TMEM132E: variants seen among roughly 807,000 people sequenced by gnomAD.
TMEM132E encodes the protein transmembrane protein 132E.
A neutral mutation model predicts 78.5 loss-of-function variants in TMEM132E; 49 were observed. The observed-to-expected ratio is 0.62, with a 90% CI of 0.50 to 0.79. The LOEUF (loss-of-function observed/expected upper bound fraction) is 0.79, where lower values mean the gene tolerates loss of function less well. Ranked by LOEUF, TMEM132E falls within the 30% of genes least tolerant of loss-of-function variation. The pLI is 0.00. For synonymous variants in TMEM132E, 715 were observed against 670.6 expected (o/e 1.07, Z -1.02); for missense variants, 1,403 against 1,470.9 (o/e 0.95, Z 0.75).
Position 34,581,105 on chromosome 17 carries a change from G to GCGC in TMEM132E, c.34_36dup (p.Ala12dup), listed in dbSNP as rs1234362564. 6.5e-7 allele frequency: 1 copy of GCGC among 1,537,432 alleles called. No homozygotes were observed. Among genetic ancestry groups the GCGC allele is most frequent in the Non-Finnish European group, 8.7e-7 (1 of 1,147,992 alleles). ...GCCCCGGGGATGTCGGGCCGCGGCG[G>GCGC]CGCCGCCCTGCTCTGCCTCTCAGCG... On this transcript the variant is annotated inframe_insertion, in exon 1 of 9. Coordinates refer to ENST00000631683, the MANE Select transcript of TMEM132E (RefSeq NM_001304438.2).
intron 3 of TMEM132E, 91 bp from the exon 4 acceptor site, chr17:34,628,921 G>A: frequency 6.9e-7 from 1 of 1,456,610 alleles, no homozygotes; most frequent in African/African-American, 1.4e-5. Flanking sequence ...AGCTGCCGGG[G>A]AGGGGTGGGG....
chr17:34,610,336 C>T (rs1428737861), intron 1 of TMEM132E, among the ~76,000 whole-genome samples: 1 of 152,192 alleles, frequency 6.6e-6, no homozygotes, highest in Non-Finnish European at 1.5e-5. Flanking sequence ...AATATCTTTA[C>T]TGGGTGTCAG....
chr17:34,632,586 T>C (rs903389393), intron 5 of TMEM132E, 118 bp from the exon 6 acceptor site: 5 of 1,003,426 alleles, frequency 5.0e-6, no homozygotes, highest in Middle Eastern at 2.1e-4. Context: ...ACTGGCCTCC[T>C]CCCCTTCAGC....
At position 34,626,548 on chromosome 17, in the gene TMEM132E, C is replaced by T. The variant is rs1380370004; in HGVS notation, c.489C>T (p.Pro163=). The change falls in exon 2 of 9, where the codon CCC becomes CCT. Residue 163 remains proline, a synonymous_variant. Coordinates refer to ENST00000631683, the MANE Select transcript of TMEM132E (RefSeq NM_001304438.2). The part of the protein sequence containing the change: ...WDDFGVTERL[P]CVRLHAFRDA... The stretch of plus-strand genomic sequence containing the variant: ...ACTTCGGCGTCACCGAGCGGCTGCC[C>T]TGTGTCCGCCTGCATGCCTTCCGGG... 1.3e-6 allele frequency: 2 copies of T among 1,590,986 alleles called. No individual in the cohort carries two copies. Among genetic ancestry groups the T allele is most frequent in the Non-Finnish European group, 8.5e-7 (1 of 1,172,508 alleles).
chr17:34,615,608 C>T (rs1278957401), intron 1 of TMEM132E, among the ~76,000 whole-genome samples: 1 of 151,546 alleles, frequency 6.6e-6, no homozygotes, highest in South Asian at 2.1e-4. Flanking sequence ...CTCATTCACT[C>T]GACAATCCTC....
chr17:34,590,396 A>C (rs973713732), intron 1 of TMEM132E, among the ~76,000 whole-genome samples: 4 of 152,236 alleles, frequency 2.6e-5, no homozygotes, highest in Non-Finnish European at 5.9e-5. Flanking sequence ...ATCTGCACAG[A>C]TTGTAATAAA....
rs982715656 is a variant in TMEM132E at position 34,601,280 on chromosome 17, G to T, written c.67+20137G>T. ...CTCTGGAAAGCCCAGGAGGCAGACC[G>T]CATCTTGTGGGGGTACTACAGTCAG... On this transcript the variant is annotated intron_variant, in intron 1 of 8. Coordinates refer to ENST00000631683, the MANE Select transcript of TMEM132E (RefSeq NM_001304438.2). 2.0e-5 allele frequency among the ~76,000 whole-genome samples: 3 copies of T among 152,192 alleles called. No homozygotes were observed. In the South Asian group the frequency reaches 6.2e-4, roughly 31 times the overall value.
chr17:34,590,118 A>C (rs970234778), intron 1 of TMEM132E, among the ~76,000 whole-genome samples: 1 of 152,158 alleles, frequency 6.6e-6, no homozygotes, highest in Non-Finnish European at 1.5e-5. Context: ...CCTGCCTGGG[A>C]AGTTCGCCCC....
In TMEM132E at chr17:34,626,541, G is replaced by A. The variant is rs759425337; in HGVS notation, c.482G>A (p.Arg161Gln). The A allele has an allele frequency of 6.0e-5, 96 of 1,597,588 alleles. No individual in the cohort carries two copies. Among genetic ancestry groups the A allele is most frequent in the Non-Finnish European group, 7.7e-5 (91 of 1,175,812 alleles). Residue 161 changes from arginine to glutamine, a missense_variant, in exon 2 of 9, where the codon CGG becomes CAG. Arg to Gln is a conservative substitution (Grantham distance 43, BLOSUM62 1). Transcript: ENST00000631683. ...RDWDDFGVTE[R>Q]LPCVRLHAFR... ...TGGGACGACTTCGGCGTCACCGAGC[G>A]GCTGCCCTGTGTCCGCCTGCATGCC... is the stretch of plus-strand genomic sequence containing the variant.
intron 1 of TMEM132E, among the ~76,000 whole-genome samples, chr17:34,605,659 G>T (rs58920933): frequency 0.086 from 13,073 of 152,160 alleles, 1,683 homozygotes; most frequent in African/African-American, 0.27. Context: ...CTATTGCCAC[G>T]ATAAAGCCAC....
chr17:34,615,243 T>G (rs1160266843), intron 1 of TMEM132E, among the ~76,000 whole-genome samples: 1 of 150,850 alleles, frequency 6.6e-6, no homozygotes, highest in African/African-American at 2.4e-5. Flanking sequence ...CTCGTCCTCC[T>G]TCAGGCTTTC....
At chr17:34,583,724 C>T (rs955482366) in intron 1 of TMEM132E, among the ~76,000 whole-genome samples, 1 of 152,200 alleles carries the variant, frequency 6.6e-6, no homozygotes, top group African/African-American at 2.4e-5. Context: ...CTGGCGCCAC[C>T]GGGCAGGGTG....
At chr17:34,607,641 A>G (rs1247086323) in intron 1 of TMEM132E, among the ~76,000 whole-genome samples, 1 of 152,204 alleles carries the variant, frequency 6.6e-6, no homozygotes, top group Admixed American at 6.5e-5. Context: ...AGTTGCAAGT[A>G]TTGAGTGCCC....
chr17:34,587,485 C>T (rs558601925), intron 1 of TMEM132E, among the ~76,000 whole-genome samples: 1 of 152,238 alleles, frequency 6.6e-6, no homozygotes, highest in Admixed American at 6.5e-5. Flanking sequence ...TCAGGGGTAG[C>T]CTTTATTCCT....
intron 1 of TMEM132E, among the ~76,000 whole-genome samples, chr17:34,623,811 T>C (rs532778963): frequency 6.6e-6 from 1 of 152,266 alleles, no homozygotes; most frequent in South Asian, 2.1e-4. Context: ...GGACCCTGCA[T>C]TTCCACAGTT....
intron 2 of TMEM132E, among the ~76,000 whole-genome samples, chr17:34,627,467 C>CGTGTGTGCGTGCGCGCACGCGTGT (rs1555564416): frequency 7.9e-6 from 1 of 126,470 alleles, no homozygotes; most frequent in African/African-American, 3.0e-5. Context: ...CCAAAAGAAT[C>CGTGTGTGCGTGCGCGCACGCGTGT]GTGTGTGTGT....
chr17:34,581,418 G>C (rs1483818896), intron 1 of TMEM132E, among the ~76,000 whole-genome samples: 3 of 151,860 alleles, frequency 2.0e-5, no homozygotes, highest in Non-Finnish European at 4.4e-5. Context: ...CGAAGGTCTG[G>C]GGTCGTGTCC....
In TMEM132E at chr17:34,636,328, T is replaced by C. The variant is rs73285805; in HGVS notation, c.2169+130T>C. The C allele has an allele frequency of 2.3e-4, 220 of 965,146 alleles. No homozygotes were observed. The African/African-American group carries it at 3.4e-3, about 15-fold the overall frequency. The allele number at this position is 965,146 out of a possible 1,614,324, so 59.8% of individuals were successfully genotyped here. Reference sequence around the variant, plus strand: ...GGAAATGGAGGATCTCTGCCCTCCATGCCCTGCACAACTGCCCACCCTATG... The same window carrying C: ...GGAAATGGAGGATCTCTGCCCTCCACGCCCTGCACAACTGCCCACCCTATG... On this transcript the variant is annotated intron_variant, in intron 8 of 8. Transcript: ENST00000631683.
chr17:34,617,320 C>A (rs1419360722), intron 1 of TMEM132E, among the ~76,000 whole-genome samples: 1 of 152,240 alleles, frequency 6.6e-6, no homozygotes, highest in Admixed American at 6.5e-5. Flanking sequence ...CTCCTTCCAG[C>A]CTCGGTGCCT....
Sources: gnomAD v4.1 joint callset for allele counts (sites outside exome capture counted in the v4.1 genomes callset) on GRCh38, gnomAD v4.1.1 for gene constraint, MANE v1.5 for transcripts, NCBI Gene and HGNC (gene_info 2026-07-23, HGNC 2026-07-21) for gene names.